Variants in MYH14 observed in about 807,000 individuals in gnomAD.
MYH14 encodes the protein myosin heavy chain 14, also known as myosin-14.
In MYH14, 123 loss-of-function variants were observed where a neutral mutation model predicts 255.5. The observed-to-expected ratio is 0.48, with a 90% confidence interval of 0.42 to 0.56. The LOEUF (loss-of-function observed/expected upper bound fraction) is 0.56. Ranked by LOEUF, MYH14 falls within the 20% of genes least tolerant of loss-of-function variation. The probability of loss-of-function intolerance (pLI) is 0.00; values close to 1 mark genes in which losing one functional copy is unlikely to be tolerated. For synonymous variants in MYH14, 1,095 were observed against 1,161.2 expected, an observed-to-expected ratio of 0.94 and a Z score of 1.16; for missense variants, 2,423 against 2,802.3, an observed-to-expected ratio of 0.86 and a Z score of 3.06.
chr19:50,224,087 C>A, intron 5 of MYH14, 67 bp from the exon 6 acceptor site: 2 of 1,336,802 alleles, frequency 1.5e-6, no homozygotes, highest in Non-Finnish European at 2.1e-6. Context: ...ACTGGTTCAC[C>A]TGTGTGTCTG....
At position 50,309,853 on chromosome 19, in the gene MYH14, C is replaced by A; in HGVS notation, c.*63C>A. ...CAGCCCCCTTCCTCCCTGGACCCCA[C>A]GGGCCCCTGTCCCAGGAACCCCGCC... is the stretch of plus-strand genomic sequence containing the variant. On this transcript the variant is annotated 3_prime_UTR_variant, in exon 43 of 43. Transcript: ENST00000642316. The A allele has an allele frequency of 6.6e-7, 1 of 1,514,712 alleles. No individual in the cohort carries two copies. 93.8% of individuals were successfully genotyped at this position (1,514,712 alleles called of 1,614,324 possible).
chr19:50,236,098 A>T (rs2033645127), intron 10 of MYH14, among the ~76,000 whole-genome samples: 1 of 150,602 alleles, frequency 6.6e-6, no homozygotes, highest in Non-Finnish European at 1.5e-5. Flanking sequence ...TTCAGAGGCC[A>T]AAGCAGGCAG....
At chr19:50,256,133 G>T (rs1413816671) in intron 17 of MYH14, among the ~76,000 whole-genome samples, 1 of 151,872 alleles carries the variant, frequency 6.6e-6, no homozygotes. Context: ...TTTAAAAATT[G>T]GTGGGCATGG....
rs374074933 is a variant in MYH14 at position 50,249,052 on chromosome 19, G to A, written c.1395G>A (p.Leu465=). 4.3e-6 allele frequency: 7 copies of A among 1,612,780 alleles called. No homozygotes were observed. In the African/African-American group the frequency reaches 9.3e-5, roughly 22 times the overall value. Reference sequence around the variant, plus strand: ...AGCGCCTCTTCCGCTGGCTGGTTCTGCGCCTCAACCGGGCCTTGGACCGCA... The same window carrying A: ...AGCGCCTCTTCCGCTGGCTGGTTCTACGCCTCAACCGGGCCTTGGACCGCA... ...TYERLFRWLV[L]RLNRALDRSP... is the part of the protein sequence containing the mutation. The change falls in exon 13 of 43, where the codon CTG becomes CTA. Residue 465 remains leucine (L), a synonymous_variant. Transcript: ENST00000642316.
At chr19:50,211,259 G>A (rs950361597) in intron 2 of MYH14, among the ~76,000 whole-genome samples, 12 of 152,040 alleles carry the variant, frequency 7.9e-5, no homozygotes, top group Admixed American at 1.3e-4. Flanking sequence ...ACTTGAGCCC[G>A]GGAGGTCAAG....
At chr19:50,256,432 C>T (rs553028842) in intron 17 of MYH14, among the ~76,000 whole-genome samples, 22 of 152,334 alleles carry the variant, frequency 1.4e-4, no homozygotes, top group East Asian at 3.9e-4. Flanking sequence ...AGTGCAGTGA[C>T]ACAATCTTGG....
At chr19:50,254,736 G>A (rs1024933827) in intron 16 of MYH14, among the ~76,000 whole-genome samples, 5 of 152,192 alleles carry the variant, frequency 3.3e-5, no homozygotes, top group African/African-American at 7.2e-5. Context: ...GTGGGGAATC[G>A]GGGCCATTTT....
chr19:50,211,070 A>G (rs1287857307), intron 2 of MYH14, among the ~76,000 whole-genome samples: 1 of 152,244 alleles, frequency 6.6e-6, no homozygotes, highest in Non-Finnish European at 1.5e-5. Context: ...AGGAACGGAA[A>G]CAGATGTGTG....
At chr19:50,236,782 A>G (rs1006446993) in intron 10 of MYH14, among the ~76,000 whole-genome samples, 2 of 152,200 alleles carry the variant, frequency 1.3e-5, no homozygotes, top group Admixed American at 6.6e-5. Flanking sequence ...TCAGCATTAA[A>G]AAAATCGAAC....
At chr19:50,207,052 GAAAAAAA>G (rs11334892) in intron 1 of MYH14, among the ~76,000 whole-genome samples, 1 of 38,582 alleles carries the variant, frequency 2.6e-5, no homozygotes, top group Non-Finnish European at 4.8e-5. Context: ...GTTTCTACCA[GAAAAAAA>G]AAAAAAAAAA....
At chr19:50,258,732 A>AC (rs1555767743) in intron 18 of MYH14, 7 of 95,190 alleles carry the variant, frequency 7.4e-5, no homozygotes, top group South Asian at 2.8e-4. Context: ...AAAAAAAAAA[A>AC]AAAAAAAAAA....
chr19:50,281,347 C>T (rs1160295656), intron 32 of MYH14, among the ~76,000 whole-genome samples: 2 of 152,196 alleles, frequency 1.3e-5, no homozygotes, highest in African/African-American at 2.4e-5. Flanking sequence ...AGCCGAGGGG[C>T]TCCCCAGGAA....
In MYH14 at chr19:50,289,514, G is replaced by A. The variant is rs1601033475; in HGVS notation, c.4831G>A (p.Asp1611Asn). The A allele has an allele frequency of 6.2e-7, 1 of 1,613,256 alleles. No individual in the cohort carries two copies. Among genetic ancestry groups the A allele is most frequent in the Admixed American group, 1.7e-5 (1 of 59,972 alleles). Residue 1611 changes from aspartate to asparagine, a missense_variant, in exon 35 of 43, where the codon GAT (aspartate) becomes AAT (asparagine). Asp to Asn is a conservative substitution (Grantham distance 23). Transcript: ENST00000642316. ...DLRAQVTELE[D>N]ELTAAEDAKL... ...GCGAGCACAGGTGACAGAACTGGAG[G>A]ATGAGCTGACAGCGGCCGAGGATGC...
rs551259726 is a variant in MYH14 at position 50,250,323 on chromosome 19, G to C, written c.1657-192G>C. Reference sequence around the variant, plus strand: ...TCACTGTGTTAGCCAGGATGGTCTCGATCTCCTGACCTCGTGATCTACCCG... The same window carrying C: ...TCACTGTGTTAGCCAGGATGGTCTCCATCTCCTGACCTCGTGATCTACCCG... On this transcript the variant is annotated intron_variant, in intron 14 of 42. Coordinates refer to ENST00000642316, the MANE Select transcript of MYH14 (RefSeq NM_001145809.2). The surrounding 1 kb of genome is among the most constrained non-coding windows in gnomAD (Gnocchi z 5.4). Among the ~76,000 whole-genome samples the C allele has an allele frequency of 1.4e-5, 2 of 146,298 alleles. No homozygotes were observed.
chr19:50,223,166 G>A, intron 4 of MYH14, 56 bp downstream of exon 4: 3 of 1,609,862 alleles, frequency 1.9e-6, no homozygotes, highest in Admixed American at 3.3e-5. Flanking sequence ...GGGCGTGGCT[G>A]TGTTTGGAAT....
chr19:50,210,357 C>A lies in MYH14; in HGVS notation c.-3-6C>A. ...TGACCCCCACCCTCTTTCTTTGCCCCTGCAGACCATGGCAGCCGTGACCAT... is the reference window on the plus strand; with the variant it reads ...TGACCCCCACCCTCTTTCTTTGCCCATGCAGACCATGGCAGCCGTGACCAT... On this transcript the variant is annotated splice_polypyrimidine_tract_variant and splice_region_variant and intron_variant, in intron 1 of 42. Coordinates refer to ENST00000642316, the MANE Select transcript of MYH14 (RefSeq NM_001145809.2). 1 of 1,584,902 alleles carries A rather than the reference C, an allele frequency of 6.3e-7. No individual in the cohort carries two copies.
At chr19:50,243,090 A>G (rs1392046825) in intron 10 of MYH14, among the ~76,000 whole-genome samples, 4 of 152,134 alleles carry the variant, frequency 2.6e-5, no homozygotes, top group African/African-American at 9.7e-5. Context: ...TTCTGTGCGA[A>G]TGAGTCAGTA....
intron 30 of MYH14, 113 bp downstream of exon 30, chr19:50,278,402 C>A: frequency 2.7e-6 from 2 of 747,236 alleles, no homozygotes; most frequent in Non-Finnish European, 4.1e-6. Context: ...TTGGCTCTTC[C>A]AACATAATCA....
chr19:50,226,822 G>C (rs1187618966), intron 7 of MYH14, 81 bp from the exon 8 acceptor site: 8 of 1,330,632 alleles, frequency 6.0e-6, no homozygotes, highest in Non-Finnish European at 8.6e-6. Flanking sequence ...GGAGCAGTGG[G>C]TGTGGGGTTT....
Sources: gnomAD v4.1 joint callset for allele counts (sites outside exome capture counted in the v4.1 genomes callset) on GRCh38, gnomAD v4.1.1 for gene constraint, Gnocchi (gnomAD v3.1) non-coding constraint, MANE v1.5 for transcripts, NCBI Gene and HGNC (gene_info 2026-07-23, HGNC 2026-07-21) for gene names.